The following PLA2R1 variants were observed in gnomAD, a reference collection of about 807,000 sequenced individuals.
The protein encoded by PLA2R1 is secretory phospholipase A2 receptor.
Under a neutral mutation model 195.9 loss-of-function variants are expected in PLA2R1, and 158 were observed. The ratio of observed to expected loss-of-function variants is 0.81; its 90% confidence interval spans 0.71 to 0.92. The LOEUF (loss-of-function observed/expected upper bound fraction) is 0.92, where lower values mean the gene tolerates loss of function less well. PLA2R1 is among the 40% of genes least tolerant of loss of function. The pLI is 0.00. For missense variants in PLA2R1, 1,626 were observed against 1,764.6 expected (o/e 0.92, Z 1.41); for synonymous variants, 586 against 598.2 (o/e 0.98, Z 0.30).
chr2:159,993,531 C>T (rs72957246), intron 11 of PLA2R1, among the ~76,000 whole-genome samples: 9,262 of 151,152 alleles, frequency 0.061, 347 homozygotes, highest in Non-Finnish European at 0.087. Flanking sequence ...CCACAAACGA[C>T]GAGCACCCTT....
intron 5 of PLA2R1, 50 bp downstream of exon 5, chr2:160,028,799 AG>A: frequency 9.8e-7 from 1 of 1,016,976 alleles, no homozygotes; most frequent in Non-Finnish European, 1.6e-6. Context: ...CTGCTGTGTA[AG>A]GGTGCAAGAT....
intron 7 of PLA2R1, 92 bp from the exon 8 acceptor site, chr2:160,020,355 A>G (rs1693028645): frequency 1.3e-6 from 1 of 741,888 alleles, no homozygotes; most frequent in Admixed American, 2.6e-5. Context: ...ACCACTTCAC[A>G]TGTGATTTCT....
intron 18 of PLA2R1, 147 bp downstream of exon 18, chr2:159,970,001 A>G (rs1311173891): frequency 5.3e-6 from 3 of 564,770 alleles, no homozygotes; most frequent in Non-Finnish European, 9.3e-6. Flanking sequence ...TCTTTAAAAA[A>G]CACTCATGTC....
rs149805975 is a variant in PLA2R1 at position 159,948,399 on chromosome 2, T to C, written c.3710-840A>G. Among the ~76,000 whole-genome samples the C allele has an allele frequency of 3.3e-5, 5 of 151,790 alleles. No individual in the cohort carries two copies. The South Asian group carries it at 8.4e-4, about 25-fold the overall frequency. ...ATAGGCACGTACCACCAAGCCCAGA[T>C]AATTGAATTTTTTTTTTTTTTTAAC... On this transcript the variant is annotated intron_variant, in intron 25 of 29. Coordinates refer to ENST00000283243, the MANE Select transcript of PLA2R1 (RefSeq NM_007366.5).
At chr2:159,975,432 G>C (rs1033814082) in intron 17 of PLA2R1, among the ~76,000 whole-genome samples, 3 of 152,096 alleles carry the variant, frequency 2.0e-5, no homozygotes, top group African/African-American at 7.2e-5. Flanking sequence ...GCTTAGTTCT[G>C]CAAGGAATTA....
chr2:159,929,244 A>C (rs762016653), downstream of PLA2R1, among the ~76,000 whole-genome samples: 2 of 152,238 alleles, frequency 1.3e-5, no homozygotes, highest in African/African-American at 4.8e-5. Context: ...AATCTTCACA[A>C]TATATACATC....
intron 4 of PLA2R1, among the ~76,000 whole-genome samples, chr2:160,030,607 C>T (rs1434047264): frequency 1.3e-5 from 2 of 152,056 alleles, no homozygotes; most frequent in Admixed American, 6.5e-5. Context: ...CACAAAAAAC[C>T]ATCTATTTAC....
Position 159,987,353 on chromosome 2 carries a change from T to G in PLA2R1, c.1840A>C (p.Ser614Arg). 1 of 1,609,682 alleles carries G rather than the reference T, an allele frequency of 6.2e-7. No homozygotes were observed. Among genetic ancestry groups the G allele is most frequent in the Non-Finnish European group, 8.5e-7 (1 of 1,178,492 alleles). The change falls in exon 12 of 30, where the codon AGT becomes CGT. Residue 614 changes from serine to arginine, a missense_variant. Transcript: ENST00000283243. Reference protein sequence around the residue: ...THWNTHQPRYSGGCVAMRGRH... With the variant: ...THWNTHQPRYRGGCVAMRGRH... The stretch of plus-strand genomic sequence containing the variant: ...CCTCGCATGGCAACACAGCCACCAC[T>G]GTAGCCTAAAAGCAGAAAACAAGCA...
At position 160,045,106 on chromosome 2, in the gene PLA2R1, G is replaced by A. The variant is rs1559003210; in HGVS notation, c.161C>T (p.Ala54Val). The part of the protein sequence containing the change: ...QSESLKKCIQ[A>V]GKSVLTLENC... ...CTCCAGGGTCAGAACCGATTTACCT[G>A]CTTGAATGCATTTCTTGAGACTCTC... The change falls in exon 2 of 30, where the codon GCA (alanine) becomes GTA (valine). Residue 54 changes from alanine (A) to valine (V), a missense_variant. Physicochemically the swap from Ala to Val is moderately conservative, Grantham distance 64. Transcript: ENST00000283243. The A allele has an allele frequency of 1.9e-6, 3 of 1,611,480 alleles. No homozygotes were observed. The highest frequency in any genetic ancestry group is 2.5e-6 in the Non-Finnish European group (3 of 1,177,834).
intron 6 of PLA2R1, among the ~76,000 whole-genome samples, chr2:160,027,604 T>G (rs1044449060): frequency 5.3e-5 from 8 of 152,218 alleles, no homozygotes; most frequent in African/African-American, 1.9e-4. Context: ...ATTTTTGTAA[T>G]GATTCTTTAA....
chr2:160,004,493 C>T (rs745464067), intron 11 of PLA2R1, among the ~76,000 whole-genome samples: 1 of 152,084 alleles, frequency 6.6e-6, no homozygotes, highest in African/African-American at 2.4e-5. Context: ...TATACCTCCC[C>T]CTGTGGCTTA....
At chr2:159,995,531 T>C (rs924571003) in intron 11 of PLA2R1, among the ~76,000 whole-genome samples, 3 of 152,066 alleles carry the variant, frequency 2.0e-5, no homozygotes, top group Non-Finnish European at 4.4e-5. Context: ...TTTTATTTTT[T>C]TGCAGTATAG....
the PLA2R1 span, among the ~76,000 whole-genome samples, chr2:159,924,936 T>C: frequency 6.6e-6 from 1 of 152,188 alleles, no homozygotes; most frequent in Non-Finnish European, 1.5e-5. Context: ...TGAGGCATAT[T>C]ACTCCTGTGG....
chr2:160,041,685 T>C (rs2105588960), intron 3 of PLA2R1, among the ~76,000 whole-genome samples: 1 of 152,332 alleles, frequency 6.6e-6, no homozygotes, highest in South Asian at 2.1e-4. Context: ...AACTGGGCTT[T>C]ATATGCAATC....
At chr2:160,029,356 T>C (rs1693713966) in intron 4 of PLA2R1, among the ~76,000 whole-genome samples, 1 of 151,792 alleles carries the variant, frequency 6.6e-6, no homozygotes. Context: ...TCTTCAAAGG[T>C]AAAACGGTGT....
chr2:160,005,762 T>C lies in PLA2R1; in HGVS notation c.1724A>G (p.Tyr575Cys), dbSNP rs1201234879. ...TTGGTCCTGAAGAGCTATCCAAAAA[T>C]AACTGTCCTTCATTTTTACCACACT... ...ISSVVKMKDSYFWIALQDQND... is the reference protein window; with the variant it reads ...ISSVVKMKDSCFWIALQDQND... The change falls in exon 11 of 30, where the codon TAT becomes TGT. Residue 575 changes from tyrosine to cysteine, a missense_variant. Physicochemically the swap from Tyr to Cys is radical, Grantham distance 194 (BLOSUM62 -2). Coordinates refer to ENST00000283243, the MANE Select transcript of PLA2R1 (RefSeq NM_007366.5). 6.2e-7 allele frequency: 1 copy of C among 1,612,718 alleles called. No homozygotes were observed. The highest frequency in any genetic ancestry group is 8.5e-7 in the Non-Finnish European group (1 of 1,178,710).
chr2:160,016,860 T>G, intron 8 of PLA2R1, 148 bp from the exon 9 acceptor site: 1 of 603,140 alleles, frequency 1.7e-6, no homozygotes, highest in Non-Finnish European at 3.0e-6. Flanking sequence ...ACGGAAAGGG[T>G]TGACACTTTG....
rs202185729 is a variant in PLA2R1 at position 160,028,930 on chromosome 2, A to G, written c.875T>C (p.Met292Thr). 14 of 1,607,230 alleles carry G rather than the reference A, an allele frequency of 8.7e-6. No homozygotes were observed. In the East Asian group the frequency reaches 2.2e-4, roughly 26 times the overall value. The change falls in exon 5 of 30, where the codon ATG (methionine) becomes ACG (threonine). Residue 292 changes from methionine (M) to threonine (T), a missense_variant. Transcript: ENST00000283243. ...GTGTTCATCCAGCTGATTGAGGCCC[A>G]TCCACACCTCCACTGTTTTACTGCT... ...HMSSKTVEVWMGLNQLDEHAG... is the reference protein window; with the variant it reads ...HMSSKTVEVWTGLNQLDEHAG...
chr2:160,032,166 A>G (rs1693894570), intron 4 of PLA2R1, among the ~76,000 whole-genome samples: 1 of 152,268 alleles, frequency 6.6e-6, no homozygotes. Context: ...TCTGGATTAC[A>G]GAACTATGGG....
Sources: allele counts gnomAD v4.1 joint callset (sites outside exome capture counted in the v4.1 genomes callset), GRCh38; gene constraint gnomAD v4.1.1; transcripts MANE v1.5; gene names NCBI Gene and HGNC (gene_info 2026-07-23, HGNC 2026-07-21).